HERC1: variants seen among roughly 807,000 people sequenced by gnomAD.
HERC1 encodes HECT and RLD domain containing E3 ubiquitin protein ligase family member 1, also known as probable E3 ubiquitin-protein ligase HERC1.
A neutral mutation model predicts 554.3 loss-of-function variants in HERC1; 160 were observed. That is an observed-to-expected ratio of 0.29 (90% CI 0.25 to 0.33). The LOEUF is 0.33. Among genes scored for constraint, HERC1 ranks in the 10% least tolerant of loss-of-function variants. The pLI, the probability that HERC1 is intolerant of heterozygous loss-of-function variation, is 1.00. For missense variants in HERC1, 4,919 were observed against 5,918.5 expected (o/e 0.83, Z 5.54); for synonymous variants, 2,175 against 2,131.7 (o/e 1.02, Z -0.56).
rs1016057102 is a variant in HERC1 at position 63,644,986 on chromosome 15, T to C, written c.11184+6A>G. 6.3e-7 allele frequency: 1 copy of C among 1,588,154 alleles called. No homozygotes were observed. The highest frequency in any genetic ancestry group is 8.6e-7 in the Non-Finnish European group (1 of 1,156,132). On this transcript the variant is annotated splice_donor_region_variant and intron_variant, in intron 57 of 77. Coordinates refer to ENST00000443617, the MANE Select transcript of HERC1 (RefSeq NM_003922.4). ...CAGACAGTCTTCAAAAACACCAGAA[T>C]GTTACCTGGCAATTTGATTCCTGCT...
intron 74 of HERC1, 69 bp from the exon 75 acceptor site, chr15:63,616,751 C>T (rs2067835100): frequency 3.6e-6 from 5 of 1,403,914 alleles, no homozygotes; most frequent in African/African-American, 1.4e-5. Flanking sequence ...TTAGCAACAA[C>T]AGCTATAGCG....
intron 39 of HERC1, among the ~76,000 whole-genome samples, chr15:63,672,161 T>TAA (rs1220513745): frequency 6.6e-6 from 1 of 151,972 alleles, no homozygotes; most frequent in Non-Finnish European, 1.5e-5. Context: ...ATATTCCAAA[T>TAA]AAAAGTATTT....
intron 3 of HERC1, among the ~76,000 whole-genome samples, chr15:63,759,128 T>C (rs1324252313): frequency 6.6e-6 from 1 of 152,106 alleles, no homozygotes; most frequent in East Asian, 1.9e-4. Flanking sequence ...ACTTCCTTAG[T>C]AGAGAATCTC....
At chr15:63,665,722 C>T (rs1036299530) in intron 42 of HERC1, among the ~76,000 whole-genome samples, 197 bp downstream of exon 42, 1 of 152,258 alleles carries the variant, frequency 6.6e-6, no homozygotes, top group African/African-American at 2.4e-5. Context: ...CATGAAAACA[C>T]CTACTCAAAT....
At chr15:63,615,628 T>C in intron 76 of HERC1, 140 bp downstream of exon 76, 1 of 575,404 alleles carries the variant, frequency 1.7e-6, no homozygotes, top group Admixed American at 4.3e-5. Context: ...ATAAGTAAAT[T>C]AAAATAAATA....
At chr15:63,699,245 T>G (rs1251707488) in intron 25 of HERC1, among the ~76,000 whole-genome samples, 4 of 152,202 alleles carry the variant, frequency 2.6e-5, no homozygotes, top group Non-Finnish European at 5.9e-5. Flanking sequence ...CTGTAAGCGC[T>G]TTAGCAACAC....
intron 1 of HERC1, among the ~76,000 whole-genome samples, chr15:63,821,504 C>T (rs968716685): frequency 3.2e-4 from 47 of 146,248 alleles, no homozygotes; most frequent in African/African-American, 7.9e-4. Context: ...TGCAATGAGC[C>T]GAGATCGTAC....
intron 12 of HERC1, among the ~76,000 whole-genome samples, chr15:63,739,966 A>C (rs1270083545): frequency 6.6e-6 from 1 of 151,440 alleles, no homozygotes; most frequent in Admixed American, 6.6e-5. Flanking sequence ...GCTAGCATGC[A>C]GTGGTATGAT....
In HERC1 at chr15:63,747,027, A is replaced by G. The variant is rs1287364433; in HGVS notation, c.2411T>C (p.Leu804Pro). The stretch of plus-strand genomic sequence containing the variant: ...GGTAGCTACCCCTCCCGCAAGTGCA[A>G]GAGCAAGGTGATTTGAAAGTAGCTT... ...CLKLLSNHLA[L>P]ALAGGVATSI... The change falls in exon 12 of 78, where the codon CTT (leucine) becomes CCT (proline). Residue 804 changes from leucine (L) to proline (P), a missense_variant. Leu to Pro is a moderately conservative substitution (Grantham distance 98). Transcript: ENST00000443617. The G allele has an allele frequency of 6.3e-7, 1 of 1,594,056 alleles. No homozygotes were observed. Among genetic ancestry groups the G allele is most frequent in the Admixed American group, 1.7e-5 (1 of 57,156 alleles).
At chr15:63,700,923 ATTC>A (rs560772497) in intron 25 of HERC1, among the ~76,000 whole-genome samples, 255 of 152,074 alleles carry the variant, frequency 1.7e-3, no homozygotes, top group African/African-American at 5.9e-3. Flanking sequence ...AAATATATAC[ATTC>A]TTTTTTCATT....
At chr15:63,706,720 T>A (rs887326909) in intron 25 of HERC1, 60 bp downstream of exon 25, 3 of 906,034 alleles carry the variant, frequency 3.3e-6, no homozygotes, top group Non-Finnish European at 4.9e-6. Flanking sequence ...ATGCTCTTTT[T>A]TTTTTTTTGA....
chr15:63,702,561 T>C (rs985094127), intron 25 of HERC1, among the ~76,000 whole-genome samples: 5 of 152,244 alleles, frequency 3.3e-5, no homozygotes, highest in African/African-American at 1.2e-4. Flanking sequence ...ATTGTCTTTC[T>C]GTAAACAATC....
At chr15:63,668,121 A>G (rs890876764) in intron 40 of HERC1, among the ~76,000 whole-genome samples, 3 of 152,250 alleles carry the variant, frequency 2.0e-5, no homozygotes, top group African/African-American at 7.2e-5. Context: ...AAAGTTAATT[A>G]ATTCAAAAGA....
intron 24 of HERC1, among the ~76,000 whole-genome samples, chr15:63,707,928 C>CAAAAAAAAAAAAAA (rs71131176): frequency 1.6e-4 from 9 of 55,204 alleles, no homozygotes; most frequent in African/African-American, 5.6e-4. Flanking sequence ...GACTCCCTCT[C>CAAAAAAAAAAAAAA]AAAAAAAAAA....
rs751720475 is a variant in HERC1, at chr15:63,723,252, C to T, written c.3672G>A (p.Leu1224=). 7 of 1,599,778 alleles carry T rather than the reference C, an allele frequency of 4.4e-6. No individual in the cohort carries two copies. Among genetic ancestry groups the T allele is most frequent in the Non-Finnish European group, 6.0e-6 (7 of 1,172,380 alleles). The change falls in exon 19 of 78, where the codon TTG becomes TTA. Residue 1224 remains leucine, a synonymous_variant. Coordinates refer to ENST00000443617, the MANE Select transcript of HERC1 (RefSeq NM_003922.4). The stretch of plus-strand genomic sequence containing the variant: ...CAGGCTCTTTAGAACAACCCAATGC[C>T]AAGTCTACATAGACAGCAATTTCAG... The part of the protein sequence containing the change: ...LRPEIAVYVD[L]ALGCSKEPAR...
chr15:63,609,824 T>C (rs2067512104), intron 77 of HERC1, among the ~76,000 whole-genome samples: 1 of 152,138 alleles, frequency 6.6e-6, no homozygotes, highest in South Asian at 2.1e-4. Context: ...TAAACTCCAG[T>C]CCATCCATTC....
chr15:63,768,038 C>A (rs2075837889), intron 2 of HERC1, among the ~76,000 whole-genome samples: 2 of 152,220 alleles, frequency 1.3e-5, no homozygotes, highest in African/African-American at 4.8e-5. Flanking sequence ...CTTAATTATT[C>A]TCTTCAGCTG....
At chr15:63,738,739 T>C (rs1387854719) in intron 12 of HERC1, among the ~76,000 whole-genome samples, 1 of 152,102 alleles carries the variant, frequency 6.6e-6, no homozygotes, top group Non-Finnish European at 1.5e-5. Flanking sequence ...GAACAATCTA[T>C]CTCCAAGTAT....
At position 63,723,289 on chromosome 15, in the gene HERC1, T is replaced by C; in HGVS notation, c.3635A>G (p.Tyr1212Cys). 1 of 1,597,974 alleles carries C rather than the reference T, an allele frequency of 6.3e-7. No homozygotes were observed. Among genetic ancestry groups the C allele is most frequent in the East Asian group, 2.2e-5 (1 of 44,560 alleles). The change falls in exon 19 of 78, where the codon TAT (tyrosine) becomes TGT (cysteine). Residue 1212 changes from tyrosine (Y) to cysteine (C), a missense_variant. Around this residue, in one of 11 missense-constraint regions of HERC1, gnomAD observed 1,121 missense variants for 1,244.0 expected, o/e 0.90. Coordinates refer to ENST00000443617, the MANE Select transcript of HERC1 (RefSeq NM_003922.4). ...SGNEEQKPFD[Y>C]KLRPEIAVYV... ...GACAGCAATTTCAGGCCGCAATTTA[T>C]AATCAAAAGGCTTCTGTTCTTCATT...
Sources: gnomAD v4.1 joint callset for allele counts (sites outside exome capture counted in the v4.1 genomes callset) on GRCh38, gnomAD v4.1.1 for gene constraint, gnomAD v4.1.1 regional missense constraint, MANE v1.5 for transcripts, NCBI Gene and HGNC (gene_info 2026-07-23, HGNC 2026-07-21) for gene names.